GOLPH3L: variants seen among roughly 807,000 people sequenced by gnomAD.
GOLPH3L encodes golgi phosphoprotein 3 like, also known as Golgi phosphoprotein 3-like.
A neutral mutation model predicts 30.3 loss-of-function variants in GOLPH3L; 22 were observed. That is an observed-to-expected ratio of 0.73 (90% CI 0.52 to 1.04). The LOEUF is 1.04. Ranked by LOEUF, GOLPH3L falls within the 50% of genes least tolerant of loss-of-function variation. GOLPH3L has a pLI of 0.00. For missense variants in GOLPH3L, 303 were observed against 345.8 expected (o/e 0.88, Z 0.98); for synonymous variants, 120 against 128.2 (o/e 0.94, Z 0.43).
At chr1:150,685,683 C>G (rs1651067203) in intron 2 of GOLPH3L, among the ~76,000 whole-genome samples, 2 of 151,850 alleles carry the variant, frequency 1.3e-5, no homozygotes, top group South Asian at 4.2e-4. Context: ...CCGCTGCACT[C>G]TAGCCTGGGC....
At position 150,648,601 on chromosome 1, in the gene GOLPH3L, G is replaced by A. The variant is rs587746622; in HGVS notation, c.578C>T (p.Thr193Ile). The stretch of plus-strand genomic sequence containing the variant: ...TTTCACTAGTCGCTGTTTCTCTGTT[G>A]TATTGGTCACTGGATGAGTAGTCAT... ...FDMTTHPVTN[T>I]TEKQRLVKKL... The change falls in exon 5 of 5, where the codon ACA (threonine) becomes ATA (isoleucine). Residue 193 changes from threonine (T) to isoleucine (I), a missense_variant. By Grantham distance (89) the Thr-to-Ile change is moderately conservative (BLOSUM62 -1). Transcript: ENST00000271732. 6 of 1,613,864 alleles carry A rather than the reference G, an allele frequency of 3.7e-6. No homozygotes were observed. Among genetic ancestry groups the A allele is most frequent in the Non-Finnish European group, 5.1e-6 (6 of 1,179,920 alleles).
At chr1:150,689,617 CA>C (rs760156040) in intron 2 of GOLPH3L, among the ~76,000 whole-genome samples, 3 of 152,062 alleles carry the variant, frequency 2.0e-5, no homozygotes, top group Non-Finnish European at 4.4e-5. Context: ...TGATTGTTTT[CA>C]TAAGACAATG....
At chr1:150,663,467 T>C (rs895257152) in intron 3 of GOLPH3L, among the ~76,000 whole-genome samples, 165 bp downstream of exon 3, 6 of 152,226 alleles carry the variant, frequency 3.9e-5, no homozygotes, top group Non-Finnish European at 8.8e-5. Flanking sequence ...ATGGATACTT[T>C]GATTTCTCCC....
intron 3 of GOLPH3L, among the ~76,000 whole-genome samples, chr1:150,662,488 T>C (rs893162739): frequency 3.3e-5 from 5 of 152,188 alleles, no homozygotes; most frequent in African/African-American, 1.2e-4. Flanking sequence ...TGATATGGGA[T>C]AGCCAAGTTG....
chr1:150,693,810 T>TGTGTGTGTGC (rs1651267731), intron 2 of GOLPH3L, among the ~76,000 whole-genome samples: 1 of 70,668 alleles, frequency 1.4e-5, no homozygotes, highest in East Asian at 4.4e-4. Flanking sequence ...TGTGTGTGTG[T>TGTGTGTGTGC]GTGTGTGTGT....
intron 2 of GOLPH3L, among the ~76,000 whole-genome samples, chr1:150,680,081 G>C (rs1278827507): frequency 6.6e-6 from 1 of 152,188 alleles, no homozygotes. Context: ...ATCCAGAGAA[G>C]TAGGGAGTTT....
intron 2 of GOLPH3L, among the ~76,000 whole-genome samples, chr1:150,675,317 C>T (rs1027701889): frequency 1.3e-5 from 2 of 151,480 alleles, no homozygotes; most frequent in Admixed American, 6.6e-5. Flanking sequence ...AGCATATACA[C>T]ATTGTAGAAA....
chr1:150,661,954 C>T (rs587737647), intron 3 of GOLPH3L, 26 bp from the exon 4 acceptor site: 22 of 943,582 alleles, frequency 2.3e-5, no homozygotes, highest in South Asian at 5.1e-5. Flanking sequence ...AAAGAAGGAA[C>T]CCTGATTCCT....
At chr1:150,695,947 G>A (rs1360635229) in intron 1 of GOLPH3L, among the ~76,000 whole-genome samples, 4 of 151,532 alleles carry the variant, frequency 2.6e-5, no homozygotes, top group Admixed American at 6.6e-5. Flanking sequence ...TATGTACTAC[G>A]GTCAAAAGAA....
intron 2 of GOLPH3L, among the ~76,000 whole-genome samples, chr1:150,665,857 G>T (rs1415361405): frequency 6.6e-6 from 1 of 152,064 alleles, no homozygotes; most frequent in East Asian, 1.9e-4. Context: ...GTCTGTTGGA[G>T]GCAGTTTCTA....
intron 2 of GOLPH3L, among the ~76,000 whole-genome samples, chr1:150,666,701 G>C (rs1468355643): frequency 6.6e-6 from 1 of 151,984 alleles, no homozygotes; most frequent in Non-Finnish European, 1.5e-5. Flanking sequence ...CTGAGATTTT[G>C]ATTTCAACAA....
chr1:150,687,799 G>GA (rs1651122068), intron 2 of GOLPH3L, among the ~76,000 whole-genome samples: 1 of 152,018 alleles, frequency 6.6e-6, no homozygotes, highest in Non-Finnish European at 1.5e-5. Flanking sequence ...TAGATTGTTT[G>GA]AAAAAAGATA....
intron 2 of GOLPH3L, among the ~76,000 whole-genome samples, chr1:150,683,126 G>A (rs1304827178): frequency 6.6e-6 from 1 of 152,168 alleles, no homozygotes. Flanking sequence ...TCAAGGCCGG[G>A]TGCAGTGGCT....
chr1:150,679,971 A>G (rs1650911474), intron 2 of GOLPH3L, among the ~76,000 whole-genome samples: 1 of 152,146 alleles, frequency 6.6e-6, no homozygotes, highest in South Asian at 2.1e-4. Flanking sequence ...TAAAAAAAAG[A>G]ATAAAATGAT....
intron 3 of GOLPH3L, 37 bp downstream of exon 3, chr1:150,663,595 T>C: frequency 6.4e-7 from 1 of 1,566,832 alleles, no homozygotes; most frequent in Non-Finnish European, 8.7e-7. Flanking sequence ...GTATTTGCCT[T>C]TCCATAAGCC....
intron 4 of GOLPH3L, among the ~76,000 whole-genome samples, chr1:150,650,533 G>C (rs1650081439): frequency 6.6e-6 from 1 of 152,228 alleles, no homozygotes; most frequent in Non-Finnish European, 1.5e-5. Context: ...CCATGGGTGA[G>C]TAAAGTTGAG....
intron 2 of GOLPH3L, among the ~76,000 whole-genome samples, chr1:150,672,587 C>T (rs1446036556): frequency 1.3e-5 from 2 of 152,160 alleles, no homozygotes; most frequent in Non-Finnish European, 2.9e-5. Context: ...CCTGCCACCA[C>T]ATTCAGTTAA....
chr1:150,663,398 T>C (rs898747735), intron 3 of GOLPH3L, among the ~76,000 whole-genome samples: 1 of 152,132 alleles, frequency 6.6e-6, no homozygotes, highest in Non-Finnish European at 1.5e-5. Flanking sequence ...ATCCTGAGTA[T>C]GATTTTTCTG....
intron 1 of GOLPH3L, among the ~76,000 whole-genome samples, chr1:150,696,712 G>T (rs1401984853): frequency 7.4e-6 from 1 of 136,000 alleles, no homozygotes; most frequent in Non-Finnish European, 1.5e-5. Context: ...ATTCTTAAGC[G>T]CACTAAGCCT....
Sources: allele counts gnomAD v4.1 joint callset (sites outside exome capture counted in the v4.1 genomes callset), GRCh38; gene constraint gnomAD v4.1.1; transcripts MANE v1.5; gene names NCBI Gene and HGNC (gene_info 2026-07-23, HGNC 2026-07-21).